RALGAPA2: variants seen among roughly 807,000 people sequenced by gnomAD.
RALGAPA2 encodes the protein ral GTPase-activating protein subunit alpha-2.
In RALGAPA2, 139 loss-of-function variants were observed where a neutral mutation model predicts 230.4. That is an observed-to-expected ratio of 0.60 (90% CI 0.53 to 0.69). The LOEUF is 0.69. RALGAPA2 is among the 30% of genes least tolerant of loss of function. The probability of loss-of-function intolerance (pLI) is 0.00; values close to 1 mark genes in which losing one functional copy is unlikely to be tolerated. For missense variants in RALGAPA2, 2,163 were observed against 2,276.0 expected (o/e 0.95, Z 1.01); for synonymous variants, 847 against 837.8 (o/e 1.01, Z -0.19).
chr20:20,612,431 C>G (rs932933335), intron 13 of RALGAPA2, among the ~76,000 whole-genome samples: 1 of 152,200 alleles, frequency 6.6e-6, no homozygotes, highest in Admixed American at 6.5e-5. Context: ...GATGAGATCT[C>G]TAAATCATAG....
At chr20:20,422,378 C>T (rs1280531021) in intron 37 of RALGAPA2, among the ~76,000 whole-genome samples, 1 of 151,664 alleles carries the variant, frequency 6.6e-6, no homozygotes, top group Non-Finnish European at 1.5e-5. Context: ...GTGGGAAAAT[C>T]GCTTGGGGCC....
chr20:20,566,873 T>C (rs1602838462), intron 23 of RALGAPA2, among the ~76,000 whole-genome samples: 1 of 152,222 alleles, frequency 6.6e-6, no homozygotes, highest in African/African-American at 2.4e-5. Context: ...GATCCAAATA[T>C]GTTACTTCAG....
chr20:20,710,192 AT>A (rs2069794744), intron 1 of RALGAPA2, among the ~76,000 whole-genome samples: 1 of 152,194 alleles, frequency 6.6e-6, no homozygotes, highest in Non-Finnish European at 1.5e-5. Context: ...TGAAGATAAA[AT>A]ATATGAAAAG....
intron 1 of RALGAPA2, among the ~76,000 whole-genome samples, chr20:20,686,608 T>A (rs1460388660): frequency 6.6e-6 from 1 of 152,016 alleles, no homozygotes; most frequent in Non-Finnish European, 1.5e-5. Flanking sequence ...TGAGCATATG[T>A]AGAATGCTTA....
chr20:20,602,429 T>G (rs953300501), intron 15 of RALGAPA2, among the ~76,000 whole-genome samples: 11 of 152,194 alleles, frequency 7.2e-5, no homozygotes, highest in African/African-American at 2.4e-4. Flanking sequence ...TTTCCTCATA[T>G]TGTTCTGGTT....
chr20:20,712,505 G>A lies in RALGAPA2; in HGVS notation c.-25C>T. 6.5e-7 allele frequency: 1 copy of A among 1,538,742 alleles called. No homozygotes were observed. The highest frequency in any genetic ancestry group is 1.4e-5 in the African/African-American group (1 of 71,404). Reference sequence around the variant, plus strand: ...TCCCGCGGCAGGAAGCCCGGGCCCCGCCGGCGGGGCAGTAGGCGCCTGCGC... The same window carrying A: ...TCCCGCGGCAGGAAGCCCGGGCCCCACCGGCGGGGCAGTAGGCGCCTGCGC... On this transcript the variant is annotated 5_prime_UTR_variant, in exon 1 of 40. Transcript: ENST00000202677. This position sits in a 1 kb window ranked among gnomAD's most constrained non-coding sequence, Gnocchi z 5.5.
At chr20:20,602,200 A>C (rs111984435) in intron 15 of RALGAPA2, among the ~76,000 whole-genome samples, 5,294 of 152,296 alleles carry the variant, frequency 0.035, 137 homozygotes, top group South Asian at 0.053. Context: ...AAAAACCACT[A>C]CTTATAAACC....
intron 9 of RALGAPA2, among the ~76,000 whole-genome samples, chr20:20,634,680 C>A (rs1391318700): frequency 6.6e-6 from 1 of 152,188 alleles, no homozygotes; most frequent in African/African-American, 2.4e-5. Flanking sequence ...GTGGACCAGA[C>A]TTCCTATCCC....
At chr20:20,662,053 T>C (rs1206784073) in intron 3 of RALGAPA2, among the ~76,000 whole-genome samples, 1 of 152,152 alleles carries the variant, frequency 6.6e-6, no homozygotes, top group Non-Finnish European at 1.5e-5. Context: ...AGAAATAAAA[T>C]AGGCAATACA....
At chr20:20,673,672 A>G (rs981240561) in intron 3 of RALGAPA2, among the ~76,000 whole-genome samples, 2 of 152,338 alleles carry the variant, frequency 1.3e-5, no homozygotes, top group South Asian at 4.1e-4. Flanking sequence ...AAGTAAAAAA[A>G]GCACCCCAGT....
chr20:20,536,478 T>C (rs2063501000), intron 25 of RALGAPA2, among the ~76,000 whole-genome samples, 178 bp downstream of exon 25: 1 of 152,224 alleles, frequency 6.6e-6, no homozygotes, highest in South Asian at 2.1e-4. Context: ...CAATATACTC[T>C]GAATTTAACA....
intron 24 of RALGAPA2, among the ~76,000 whole-genome samples, chr20:20,538,373 T>C (rs2063553169): frequency 6.6e-6 from 1 of 151,726 alleles, no homozygotes. Context: ...AGGGAGCCAG[T>C]TGAGTAGGGA....
At chr20:20,582,936 T>C in intron 20 of RALGAPA2, 114 bp downstream of exon 20, 1 of 1,130,386 alleles carries the variant, frequency 8.8e-7, no homozygotes, top group Non-Finnish European at 1.3e-6. Flanking sequence ...GTCAGGAGCA[T>C]GGCACACTTC....
At chr20:20,569,774 C>A (rs1032688758) in intron 23 of RALGAPA2, among the ~76,000 whole-genome samples, 7 of 152,036 alleles carry the variant, frequency 4.6e-5, no homozygotes, top group Non-Finnish European at 1.0e-4. Context: ...ATGTGACTTT[C>A]TAAAAAATTC....
chr20:20,534,553 CAAAA>C (rs964337431), intron 26 of RALGAPA2, among the ~76,000 whole-genome samples: 1 of 137,970 alleles, frequency 7.2e-6, no homozygotes, highest in African/African-American at 2.7e-5. Context: ...TCAGTACTGT[CAAAA>C]AAAAAAAAGT....
At chr20:20,538,305 C>CA (rs1228461072) in intron 24 of RALGAPA2, among the ~76,000 whole-genome samples, 2 of 152,134 alleles carry the variant, frequency 1.3e-5, no homozygotes, top group African/African-American at 4.8e-5. Context: ...AAACCTAAAA[C>CA]AAACTACTGC....
intron 23 of RALGAPA2, among the ~76,000 whole-genome samples, chr20:20,553,832 A>C (rs940305080): frequency 1.7e-4 from 26 of 152,158 alleles, no homozygotes; most frequent in Non-Finnish European, 3.4e-4. Flanking sequence ...ACAAAGAAAA[A>C]CTTGGCTGGC....
chr20:20,712,231 A>T lies in RALGAPA2; in HGVS notation c.106+144T>A. 1.2e-6 allele frequency: 1 copy of T among 804,898 alleles called. No individual in the cohort carries two copies. The highest frequency in any genetic ancestry group is 1.9e-6 in the Non-Finnish European group (1 of 537,830). 49.9% of individuals were successfully genotyped at this position (804,898 alleles called of 1,614,324 possible). Reference sequence around the variant, plus strand: ...TCTGGAAACAAAGCCCCGGGGGTCCAAGCCCAGATCCAGGGAAGGGGGTCG... The same window carrying T: ...TCTGGAAACAAAGCCCCGGGGGTCCTAGCCCAGATCCAGGGAAGGGGGTCG... On this transcript the variant is annotated intron_variant, in intron 1 of 39. Transcript: ENST00000202677. This position sits in a 1 kb window ranked among gnomAD's most constrained non-coding sequence, Gnocchi z 5.5.
intron 37 of RALGAPA2, among the ~76,000 whole-genome samples, chr20:20,452,643 G>A (rs1209017656): frequency 1.4e-4 from 22 of 152,230 alleles, no homozygotes; most frequent in Non-Finnish European, 5.9e-5. Flanking sequence ...AATGAGCCTG[G>A]CGACAATGCC....
Sources: allele counts gnomAD v4.1 joint callset (sites outside exome capture counted in the v4.1 genomes callset), GRCh38; gene constraint gnomAD v4.1.1; non-coding constraint Gnocchi (gnomAD v3.1); transcripts MANE v1.5; gene names NCBI Gene and HGNC (gene_info 2026-07-23, HGNC 2026-07-21).